Variants in COL13A1 observed in about 807,000 individuals in gnomAD.
COL13A1 encodes collagen type XIII alpha 1 chain.
COL13A1 carries 89 observed loss-of-function variants against 130.9 expected under a neutral mutation model. The observed-to-expected ratio is 0.68, with a 90% confidence interval of 0.57 to 0.81. COL13A1 has a LOEUF of 0.81. Among genes scored for constraint, COL13A1 ranks in the 30% least tolerant of loss-of-function variants. The pLI, the probability that COL13A1 is intolerant of heterozygous loss-of-function variation, is 0.00. For missense variants in COL13A1, 879 were observed against 934.6 expected (o/e 0.94, Z 0.78); for synonymous variants, 402 against 341.6 (o/e 1.18, Z -1.95).
chr10:69,881,342 G>A (rs1589266850), intron 7 of COL13A1, among the ~76,000 whole-genome samples: 1 of 152,054 alleles, frequency 6.6e-6, no homozygotes, highest in Non-Finnish European at 1.5e-5. Context: ...TAGAACCGAG[G>A]AGCCCCGGCC....
At chr10:69,900,056 C>T (rs1374707520) in intron 14 of COL13A1, among the ~76,000 whole-genome samples, 1 of 152,172 alleles carries the variant, frequency 6.6e-6, no homozygotes, top group South Asian at 2.1e-4. Context: ...GCCAAATCCT[C>T]GAGAGCCTCC....
chr10:69,922,830 T>C (rs1037963702), intron 23 of COL13A1, 36 bp downstream of exon 23: 1 of 1,436,196 alleles, frequency 7.0e-7, no homozygotes, highest in Non-Finnish European at 9.4e-7. Flanking sequence ...GGGGAGGTGC[T>C]TACCTGGGGA....
At chr10:69,843,653 T>A (rs753773558) in intron 2 of COL13A1, among the ~76,000 whole-genome samples, 3 of 152,238 alleles carry the variant, frequency 2.0e-5, no homozygotes, top group Admixed American at 6.5e-5. Flanking sequence ...GCTTGTTCTA[T>A]GGATCGTGGT....
intron 17 of COL13A1, 27 bp downstream of exon 17, chr10:69,905,849 G>T (rs2062699055): frequency 1.2e-6 from 2 of 1,612,524 alleles, no homozygotes; most frequent in Non-Finnish European, 1.7e-6. Flanking sequence ...GGACCCAAGT[G>T]GGGCAGGACT....
chr10:69,922,694 C>G lies in COL13A1; in HGVS notation c.1144-14C>G. 6.3e-7 allele frequency: 1 copy of G among 1,594,920 alleles called. No homozygotes were observed. The highest frequency in any genetic ancestry group is 8.5e-7 in the Non-Finnish European group (1 of 1,170,722). On this transcript the variant is annotated splice_polypyrimidine_tract_variant and intron_variant, in intron 22 of 40. Coordinates refer to ENST00000645393, the MANE Select transcript of COL13A1 (RefSeq NM_001368882.1). ...CTCCACACCAGGGATGCTAACTCCA[C>G]CTTCCACCCCCAGGGAGAGAAAGGC...
intron 28 of COL13A1, among the ~76,000 whole-genome samples, chr10:69,929,281 G>T (rs149702570): frequency 1.3e-4 from 20 of 151,900 alleles, no homozygotes; most frequent in African/African-American, 4.8e-4. Flanking sequence ...CACAGCGGGA[G>T]TGAGGACCCC....
chr10:69,842,150 G>A (rs536414061), intron 2 of COL13A1, among the ~76,000 whole-genome samples: 1 of 152,288 alleles, frequency 6.6e-6, no homozygotes, highest in Non-Finnish European at 1.5e-5. Context: ...ATTGACTCAT[G>A]GGGGTGGTTT....
intron 1 of COL13A1, among the ~76,000 whole-genome samples, chr10:69,802,926 C>G (rs1216554217): frequency 6.6e-6 from 1 of 152,220 alleles, no homozygotes; most frequent in Non-Finnish European, 1.5e-5. Context: ...CCCAGCGACT[C>G]CCGCCTCGGG....
At chr10:69,922,584 A>G in intron 22 of COL13A1, 124 bp from the exon 23 acceptor site, 2 of 565,522 alleles carry the variant, frequency 3.5e-6, no homozygotes, top group Non-Finnish European at 6.0e-6. Context: ...GATCAGATAA[A>G]TCTGGGATTC....
chr10:69,839,723 G>A (rs866428895), intron 2 of COL13A1, among the ~76,000 whole-genome samples: 3 of 151,864 alleles, frequency 2.0e-5, no homozygotes, highest in Non-Finnish European at 4.4e-5. Flanking sequence ...CCCTGAGGTC[G>A]GAATGAGCTT....
At chr10:69,909,080 C>T (rs918806605) in intron 17 of COL13A1, among the ~76,000 whole-genome samples, 1 of 152,154 alleles carries the variant, frequency 6.6e-6, no homozygotes, top group Non-Finnish European at 1.5e-5. Context: ...GAAGTCATAG[C>T]TTCATGGGGA....
chr10:69,823,974 C>T (rs1017150402), intron 2 of COL13A1: 6 of 410,054 alleles, frequency 1.5e-5, no homozygotes, highest in Non-Finnish European at 3.0e-5. Context: ...ATGTCTGTTG[C>T]CCTTATAACT....
chr10:69,832,330 T>C (rs921307428), intron 2 of COL13A1, among the ~76,000 whole-genome samples: 7 of 152,142 alleles, frequency 4.6e-5, no homozygotes, highest in African/African-American at 1.7e-4. Context: ...TTAGGGGCCT[T>C]AGTTGGAATC....
At chr10:69,940,109 A>G (rs970451006) in intron 34 of COL13A1, among the ~76,000 whole-genome samples, 1 of 152,132 alleles carries the variant, frequency 6.6e-6, no homozygotes, top group Non-Finnish European at 1.5e-5. Flanking sequence ...AGGCAGCTTC[A>G]TAACCCAGGG....
intron 2 of COL13A1, among the ~76,000 whole-genome samples, chr10:69,838,063 CT>C (rs1462833594): frequency 6.6e-6 from 1 of 152,348 alleles, no homozygotes; most frequent in East Asian, 1.9e-4. Context: ...TTGGTCACCC[CT>C]GGACATTCCA....
intron 2 of COL13A1, chr10:69,860,701 GC>G: frequency 3.6e-6 from 1 of 279,514 alleles, no homozygotes; most frequent in Non-Finnish European, 7.3e-6. Flanking sequence ...GGTCCCCCAT[GC>G]CCTCCTTGCC....
chr10:69,919,151 G>A, intron 20 of COL13A1, 63 bp downstream of exon 20: 1 of 1,605,898 alleles, frequency 6.2e-7, no homozygotes, highest in Non-Finnish European at 8.5e-7. Flanking sequence ...GAGGTGGGAG[G>A]GGCTGCTGCT....
In COL13A1 at chr10:69,801,959, G is replaced by A. The variant is rs1473848809; in HGVS notation, c.-465G>A. 1 of 156,432 alleles carries A rather than the reference G, an allele frequency of 6.4e-6. No individual in the cohort carries two copies. The highest frequency in any genetic ancestry group is 1.4e-5 in the Non-Finnish European group (1 of 71,184). 9.7% of individuals were successfully genotyped at this position (156,432 alleles called of 1,614,324 possible). On this transcript the variant is annotated 5_prime_UTR_variant, in exon 1 of 41. Transcript: ENST00000645393. ...GTCAAGTTACAGAGGCGCCGGAATC[G>A]GCCCCTGCGCTCCTCGCCAGCCGCC...
chr10:69,878,702 G>A (rs529523844), intron 6 of COL13A1, among the ~76,000 whole-genome samples: 77 of 152,318 alleles, frequency 5.1e-4, no homozygotes, highest in African/African-American at 1.5e-3. Context: ...GGCTGGTCTC[G>A]AATTCCTGAC....
Sources: allele counts gnomAD v4.1 joint callset (sites outside exome capture counted in the v4.1 genomes callset), GRCh38; gene constraint gnomAD v4.1.1; transcripts MANE v1.5; gene names NCBI Gene and HGNC (gene_info 2026-07-23, HGNC 2026-07-21).